CCDC125: variants seen among roughly 807,000 people sequenced by gnomAD.
CCDC125 encodes coiled-coil domain containing 125.
In CCDC125, 43 loss-of-function variants were observed where a neutral mutation model predicts 57.4. The ratio of observed to expected loss-of-function variants is 0.75; its 90% CI spans 0.59 to 0.97. The LOEUF is 0.97. CCDC125 is among the 50% of genes least tolerant of loss of function. CCDC125 has a pLI of 0.00. For synonymous variants in CCDC125, 187 were observed against 195.2 expected, an observed-to-expected ratio of 0.96 and a Z score of 0.35; for missense variants, 563 against 595.7, an observed-to-expected ratio of 0.95 and a Z score of 0.57.
chr5:69,286,233 T>A (rs1272317337), intron 10 of CCDC125, among the ~76,000 whole-genome samples: 2 of 106,388 alleles, frequency 1.9e-5, no homozygotes, highest in African/African-American at 3.9e-5. Flanking sequence ...TATATATATA[T>A]AATTTTTTTT....
chr5:69,327,342 C>T (rs1395905007), intron 1 of CCDC125, among the ~76,000 whole-genome samples: 1 of 152,120 alleles, frequency 6.6e-6, no homozygotes, highest in Admixed American at 6.5e-5. Context: ...GATCTGCCTG[C>T]CTCGGTCTCC....
rs1327933455 is a variant in CCDC125 at position 69,281,210 on chromosome 5, C to CT, written c.*1518dup. The CT allele has an allele frequency of 2.0e-5, 3 of 152,068 alleles. No homozygotes were observed. The highest frequency in any genetic ancestry group is 2.9e-5 in the Non-Finnish European group (2 of 68,026). 9.4% of individuals were successfully genotyped at this position (152,068 alleles called of 1,614,324 possible). A position where few individuals can be genotyped will look rare whatever the true frequency, so the allele number is the denominator to read the frequency against. ...TATGAGCTTTGTAAATTTTTAAAAA[C>CT]TTTTTTATTGAGTTGTGGTTTATGC... On this transcript the variant is annotated 3_prime_UTR_variant, in exon 12 of 12. Coordinates refer to ENST00000396496, the MANE Select transcript of CCDC125 (RefSeq NM_176816.5).
rs1752434689 is a variant in CCDC125, at chr5:69,280,914, G to C, written c.*1815C>G. 6.6e-6 allele frequency: 1 copy of C among 152,270 alleles called. No individual in the cohort carries two copies. The highest frequency in any genetic ancestry group is 6.6e-5 in the Admixed American group (1 of 15,260). 9.4% of individuals were successfully genotyped at this position (152,270 alleles called of 1,614,324 possible). A position where few individuals can be genotyped will look rare whatever the true frequency, so the allele number is the denominator to read the frequency against. On this transcript the variant is annotated 3_prime_UTR_variant, in exon 12 of 12. Coordinates refer to ENST00000396496, the MANE Select transcript of CCDC125 (RefSeq NM_176816.5). ...GCTCCTGGGCTCATGCCATCCTCCT[G>C]CCTCAGCCCCTGAGTAGCTGGGACA...
intron 11 of CCDC125, among the ~76,000 whole-genome samples, chr5:69,283,524 C>CT (rs1200679443): frequency 4.6e-4 from 60 of 130,582 alleles, no homozygotes; most frequent in South Asian, 1.7e-3. Context: ...CCGGCCAATT[C>CT]TTTTTTTTTT....
At chr5:69,305,029 T>C (rs1757109327) in intron 6 of CCDC125, among the ~76,000 whole-genome samples, 1 of 150,322 alleles carries the variant, frequency 6.7e-6, no homozygotes, top group East Asian at 1.9e-4. Flanking sequence ...AATCTACAAC[T>C]GCTCTAAAAA....
chr5:69,285,229 T>C (rs1408084055), intron 11 of CCDC125, 108 bp downstream of exon 11: 2 of 993,622 alleles, frequency 2.0e-6, no homozygotes, highest in African/African-American at 3.4e-5. Context: ...TTTACGAATT[T>C]GTGTTGGGCC....
intron 7 of CCDC125, 149 bp from the exon 8 acceptor site, chr5:69,300,276 T>C (rs539143912): frequency 1.6e-6 from 1 of 631,906 alleles, no homozygotes; most frequent in African/African-American, 1.8e-5. Flanking sequence ...TCTGATAGAA[T>C]AGTGAGTATC....
chr5:69,297,721 TG>T (rs1755619459), intron 8 of CCDC125, among the ~76,000 whole-genome samples: 1 of 150,960 alleles, frequency 6.6e-6, no homozygotes, highest in Non-Finnish European at 1.5e-5. Flanking sequence ...CCCAGCATTT[TG>T]GGAGGCTGAG....
chr5:69,310,904 G>A (rs1210457571), intron 4 of CCDC125: 1 of 275,272 alleles, frequency 3.6e-6, no homozygotes, highest in Non-Finnish European at 6.8e-6. Context: ...TTATAATGAT[G>A]GTGGTACAAC....
intron 11 of CCDC125, 76 bp from the exon 12 acceptor site, chr5:69,283,110 C>T (rs1752685062): frequency 8.2e-7 from 1 of 1,212,734 alleles, no homozygotes; most frequent in Admixed American, 2.6e-5. Flanking sequence ...GAGTATTGTA[C>T]TATTTTATCA....
At chr5:69,323,338 T>A (rs1760335079) in intron 1 of CCDC125, among the ~76,000 whole-genome samples, 1 of 151,924 alleles carries the variant, frequency 6.6e-6, no homozygotes, top group Non-Finnish European at 1.5e-5. Flanking sequence ...AATTTGTTAA[T>A]CAAAAAGGTA....
downstream of CCDC125, among the ~76,000 whole-genome samples, chr5:69,279,678 C>T (rs779814636): frequency 6.6e-6 from 1 of 151,904 alleles, no homozygotes; most frequent in Non-Finnish European, 1.5e-5. Flanking sequence ...CTGACTTCCT[C>T]GTGTGTGTGT....
At chr5:69,320,918 C>T (rs543076784) in intron 1 of CCDC125, among the ~76,000 whole-genome samples, 15 of 151,996 alleles carry the variant, frequency 9.9e-5, no homozygotes, top group African/African-American at 2.4e-4. Flanking sequence ...AAGTGTAATA[C>T]GCCAGACACA....
At chr5:69,331,251 GA>G (rs1360458731) in intron 1 of CCDC125, among the ~76,000 whole-genome samples, 5 of 151,984 alleles carry the variant, frequency 3.3e-5, no homozygotes, top group African/African-American at 9.7e-5. Context: ...CCAGTGAGCT[GA>G]GACAGCACTA....
At chr5:69,323,004 A>T (rs1339194350) in intron 1 of CCDC125, among the ~76,000 whole-genome samples, 1 of 151,940 alleles carries the variant, frequency 6.6e-6, no homozygotes, top group Non-Finnish European at 1.5e-5. Flanking sequence ...GCAACATTCT[A>T]TCTCAAAAAA....
rs559082300 is a variant in CCDC125, at chr5:69,282,956, T to C, written c.1309A>G (p.Thr437Ala). The C allele has an allele frequency of 9.3e-6, 15 of 1,613,658 alleles. No individual in the cohort carries two copies. The South Asian group carries it at 1.2e-4, about 13-fold the overall frequency. ...MLARALEDKD[T>A]ASNENKEKNP... Reference sequence around the variant, plus strand: ...TTTTCTTTATTCTCGTTTGAAGCAGTGTCTTTGTCTTCCAATGCCCGAGCA... The same window carrying C: ...TTTTCTTTATTCTCGTTTGAAGCAGCGTCTTTGTCTTCCAATGCCCGAGCA... Residue 437 changes from threonine to alanine, a missense_variant, in exon 12 of 12, where the codon ACT (threonine) becomes GCT (alanine). Thr to Ala is a moderately conservative substitution (Grantham distance 58). Transcript: ENST00000396496.
intron 3 of CCDC125, 30 bp downstream of exon 3, chr5:69,313,955 G>T: frequency 6.6e-7 from 1 of 1,521,072 alleles, no homozygotes; most frequent in Non-Finnish European, 9.1e-7. Flanking sequence ...CAGCTAAACT[G>T]ATAATTTTTA....
chr5:69,311,480 G>A (rs1162241932), intron 3 of CCDC125, among the ~76,000 whole-genome samples: 5 of 152,026 alleles, frequency 3.3e-5, no homozygotes, highest in Admixed American at 2.0e-4. Context: ...GTGAAACCCC[G>A]TCTCTACTAA....
chr5:69,319,657 A>G (rs557843041), intron 2 of CCDC125, among the ~76,000 whole-genome samples: 5 of 150,876 alleles, frequency 3.3e-5, no homozygotes, highest in Middle Eastern at 3.5e-3. Context: ...AATTTTTTGT[A>G]TATTTAGTAG....
Sources: allele counts gnomAD v4.1 joint callset (sites outside exome capture counted in the v4.1 genomes callset), GRCh38; gene constraint gnomAD v4.1.1; transcripts MANE v1.5; gene names NCBI Gene and HGNC (gene_info 2026-07-23, HGNC 2026-07-21).